The following ROBO2 variants were observed in gnomAD, a reference collection of about 807,000 sequenced individuals.
ROBO2 encodes roundabout guidance receptor 2, also known as roundabout homolog 2.
Under a neutral mutation model 160.8 loss-of-function variants are expected in ROBO2, and 53 were observed. The observed-to-expected ratio is 0.33, with a 90% CI of 0.26 to 0.41. The LOEUF is 0.41. Ranked by LOEUF, ROBO2 falls within the 10% of genes least tolerant of loss-of-function variation. The pLI, the probability that ROBO2 is intolerant of heterozygous loss-of-function variation, is 1.00. For missense variants in ROBO2, 1,577 were observed against 1,722.4 expected (o/e 0.92, Z 1.49); for synonymous variants, 664 against 611.7 (o/e 1.09, Z -1.26).
intron 2 of ROBO2, among the ~76,000 whole-genome samples, chr3:76,482,603 C>T (rs144980056): frequency 1.1e-4 from 16 of 152,088 alleles, no homozygotes; most frequent in African/African-American, 2.9e-4. Context: ...TCTCTAGAGA[C>T]GTAGGTTAAG....
At chr3:77,320,850 T>C (rs1319970187) in intron 2 of ROBO2, among the ~76,000 whole-genome samples, 2 of 152,156 alleles carry the variant, frequency 1.3e-5, no homozygotes, top group East Asian at 1.9e-4. Flanking sequence ...AATGTACATA[T>C]CACACATTTT....
At chr3:77,557,398 T>A (rs533662229) in intron 8 of ROBO2, among the ~76,000 whole-genome samples, 29 of 152,062 alleles carry the variant, frequency 1.9e-4, no homozygotes, top group African/African-American at 7.0e-4. Context: ...AAATTATTTA[T>A]AATCTAATAT....
chr3:76,646,857 A>G (rs1363080015), intron 2 of ROBO2, among the ~76,000 whole-genome samples: 1 of 152,216 alleles, frequency 6.6e-6, no homozygotes, highest in Non-Finnish European at 1.5e-5. Flanking sequence ...GTTGTTGACT[A>G]GGTAACTGAA....
intron 2 of ROBO2, among the ~76,000 whole-genome samples, chr3:76,722,177 G>T (rs1444939278): frequency 2.6e-5 from 4 of 152,140 alleles, no homozygotes; most frequent in Non-Finnish European, 5.9e-5. Context: ...TTGACCACAG[G>T]TTTATCCTGG....
chr3:76,979,636 AT>A (rs533474182), intron 2 of ROBO2, among the ~76,000 whole-genome samples: 15 of 143,416 alleles, frequency 1.0e-4, no homozygotes, highest in African/African-American at 3.6e-4. Context: ...GTTTGATATG[AT>A]TTTTTTTTCC....
At chr3:76,725,227 C>T (rs1279068462) in intron 2 of ROBO2, among the ~76,000 whole-genome samples, 1 of 151,934 alleles carries the variant, frequency 6.6e-6, no homozygotes, top group Non-Finnish European at 1.5e-5. Flanking sequence ...GCACAAACTT[C>T]TCTAAATATT....
At chr3:77,100,652 AAGG>A (rs1284032244) in intron 2 of ROBO2, among the ~76,000 whole-genome samples, 3 of 152,150 alleles carry the variant, frequency 2.0e-5, no homozygotes, top group Non-Finnish European at 2.9e-5. Flanking sequence ...AAGAGGTGTT[AAGG>A]AATAGCAATG....
rs576817113 is a variant in ROBO2 at position 76,046,937 on chromosome 3, T to C, written c.109+109335T>C. 3.3e-5 allele frequency among the ~76,000 whole-genome samples: 5 copies of C among 152,322 alleles called. No individual in the cohort carries two copies. In the East Asian group the frequency reaches 9.7e-4, roughly 29 times the overall value. The stretch of plus-strand genomic sequence containing the variant: ...ATTCGTCAAAGTATCCATTTGTTCA[T>C]TGACCACATTTCTGACACCATCTTG... On this transcript the variant is annotated intron_variant, in intron 2 of 26. Coordinates refer to the ROBO2 transcript ENST00000487694.
intron 2 of ROBO2, among the ~76,000 whole-genome samples, chr3:77,273,021 G>T (rs2059599367): frequency 6.6e-6 from 1 of 152,146 alleles, no homozygotes; most frequent in African/African-American, 2.4e-5. Context: ...GGGGTTTACT[G>T]CATGACAATG....
At chr3:76,464,712 A>T (rs1382507461) in intron 2 of ROBO2, among the ~76,000 whole-genome samples, 1 of 152,180 alleles carries the variant, frequency 6.6e-6, no homozygotes, top group African/African-American at 2.4e-5. Flanking sequence ...ATGAGGGAAA[A>T]TTTAGTTTTC....
intron 16 of ROBO2, among the ~76,000 whole-genome samples, chr3:77,583,055 T>G (rs2093958687): frequency 6.7e-6 from 1 of 149,690 alleles, no homozygotes. Context: ...GGCAGTAAAA[T>G]TGCTTGAACT....
intron 2 of ROBO2, among the ~76,000 whole-genome samples, chr3:76,439,689 T>G (rs1290769530): frequency 2.0e-5 from 3 of 152,182 alleles, no homozygotes; most frequent in African/African-American, 7.2e-5. Context: ...CAATTTCTTG[T>G]AAAGAAATTG....
chr3:76,769,712 G>A (rs559379484), intron 2 of ROBO2, among the ~76,000 whole-genome samples: 3 of 151,496 alleles, frequency 2.0e-5, no homozygotes, highest in East Asian at 2.0e-4. Flanking sequence ...GTCTCTTGCC[G>A]TGTAGTCCAG....
intron 2 of ROBO2, among the ~76,000 whole-genome samples, chr3:76,508,147 G>T (rs2080893446): frequency 6.6e-6 from 1 of 152,062 alleles, no homozygotes; most frequent in Admixed American, 6.6e-5. Context: ...ATAAATACAT[G>T]TACACAAACT....
At chr3:77,045,300 T>C (rs935689723) in intron 1 of ROBO2, among the ~76,000 whole-genome samples, 2 of 152,186 alleles carry the variant, frequency 1.3e-5, no homozygotes, top group East Asian at 3.9e-4. Flanking sequence ...AACGGAGGCC[T>C]CAATCCTTAG....
At chr3:76,390,888 C>A (rs1462354267) in intron 2 of ROBO2, among the ~76,000 whole-genome samples, 1 of 151,968 alleles carries the variant, frequency 6.6e-6, no homozygotes, top group Non-Finnish European at 1.5e-5. Flanking sequence ...AATGTGTAGA[C>A]CCTAGAGTCT....
At chr3:76,930,279 T>A (rs1390965258) in intron 2 of ROBO2, among the ~76,000 whole-genome samples, 1 of 152,120 alleles carries the variant, frequency 6.6e-6, no homozygotes, top group Non-Finnish European at 1.5e-5. Flanking sequence ...AGTGCTGGGA[T>A]TACAGGTGTG....
At chr3:77,252,617 C>T (rs2153304127) in intron 2 of ROBO2, among the ~76,000 whole-genome samples, 1 of 150,982 alleles carries the variant, frequency 6.6e-6, no homozygotes, top group Middle Eastern at 3.5e-3. Flanking sequence ...ACCATCCTGG[C>T]TAACACGGTG....
chr3:76,503,877 TAA>T (rs1318158857), intron 2 of ROBO2, among the ~76,000 whole-genome samples: 3 of 152,214 alleles, frequency 2.0e-5, no homozygotes, highest in African/African-American at 7.2e-5. Flanking sequence ...GACCTGTTTT[TAA>T]AAGTTTGGCT....
Sources: gnomAD v4.1 joint callset for allele counts (sites outside exome capture counted in the v4.1 genomes callset) on GRCh38, gnomAD v4.1.1 for gene constraint, MANE v1.5 for transcripts, NCBI Gene and HGNC (gene_info 2026-07-23, HGNC 2026-07-21) for gene names.